The following DNAH12 variants were observed in gnomAD, a reference collection of about 807,000 sequenced individuals.
DNAH12 encodes axonemal beta dynein heavy chain 12.
DNAH12 carries 285 observed loss-of-function variants against 371.5 expected under a neutral mutation model. That is an observed-to-expected ratio of 0.77 (90% CI 0.70 to 0.85). The LOEUF (loss-of-function observed/expected upper bound fraction) is 0.85, where lower values mean the gene tolerates loss of function less well. Among genes scored for constraint, DNAH12 ranks in the 40% least tolerant of loss-of-function variants. The pLI, the probability that DNAH12 is intolerant of heterozygous loss-of-function variation, is 0.00. For synonymous variants in DNAH12, 1,200 were observed against 1,213.0 expected (o/e 0.99, Z 0.22); for missense variants, 3,611 against 3,689.4 (o/e 0.98, Z 0.55).
At chr3:57,431,230 T>C (rs541933225) in intron 32 of DNAH12, among the ~76,000 whole-genome samples, 30 of 152,284 alleles carry the variant, frequency 2.0e-4, no homozygotes, top group Middle Eastern at 3.4e-3. Flanking sequence ...GTTTTTTCCC[T>C]GCCACTCAAC....
intron 39 of DNAH12, among the ~76,000 whole-genome samples, chr3:57,412,613 T>C (rs1191531682): frequency 6.6e-6 from 1 of 152,108 alleles, no homozygotes. Context: ...AACAACCCAA[T>C]TTAAAAATGG....
Position 57,386,171 on chromosome 3 carries a change from T to C in DNAH12, c.7602+270A>G, listed in dbSNP as rs2063496682. 2.0e-5 allele frequency among the ~76,000 whole-genome samples: 3 copies of C among 152,210 alleles called. No homozygotes were observed. In the South Asian group the frequency reaches 6.2e-4, roughly 32 times the overall value. ...TTATATTCTCTTAAATGGTAAAAAATTAATTAAAAATAAAACATGATATAT... is the reference window on the plus strand; with the variant it reads ...TTATATTCTCTTAAATGGTAAAAAACTAATTAAAAATAAAACATGATATAT... On this transcript the variant is annotated intron_variant, in intron 47 of 73. Coordinates refer to ENST00000495027, the MANE Select transcript of DNAH12 (RefSeq NM_001366028.2).
At position 57,302,567 on chromosome 3, in the gene DNAH12, ATTTTTTTTTTT is replaced by A. The variant is rs71088056; in HGVS notation, c.11190-639_11190-629del. ...TATATATATATATATATATATATGT[ATTTTTTTTTTT>A]TTTTTTTTTTTTTTTGAGACAGAGT... On this transcript the variant is annotated intron_variant, in intron 69 of 73. Transcript: ENST00000495027. Among the ~76,000 whole-genome samples the A allele has an allele frequency of 2.5e-4, 7 of 27,480 alleles. No homozygotes were observed. The South Asian group carries it at 9.1e-3, about 36-fold the overall frequency. 18.0% of individuals were successfully genotyped at this position (27,480 alleles called of 152,430 possible). A position where few individuals can be genotyped will look rare whatever the true frequency, so the allele number is the denominator to read the frequency against.
At chr3:57,513,895 A>G (rs1210497327) in intron 4 of DNAH12, among the ~76,000 whole-genome samples, 1 of 152,216 alleles carries the variant, frequency 6.6e-6, no homozygotes, top group East Asian at 1.9e-4. Context: ...ATAAGACTAC[A>G]TATTGAAGTC....
chr3:57,499,643 A>ATATATATATATAT (rs1307559756), intron 11 of DNAH12, among the ~76,000 whole-genome samples: 9 of 24,596 alleles, frequency 3.7e-4, no homozygotes, highest in African/African-American at 1.4e-3. Flanking sequence ...AAAAAAAAAA[A>ATATATATATATAT]AAAAATATAT....
chr3:57,361,585 G>T (rs1367129748), intron 58 of DNAH12, among the ~76,000 whole-genome samples: 5 of 151,144 alleles, frequency 3.3e-5, no homozygotes, highest in African/African-American at 4.9e-5. Flanking sequence ...CCCGACGAAT[G>T]ACAAGATAAT....
intron 49 of DNAH12, among the ~76,000 whole-genome samples, chr3:57,384,270 C>G (rs2063456116): frequency 6.6e-6 from 1 of 152,112 alleles, no homozygotes; most frequent in South Asian, 2.1e-4. Flanking sequence ...TACAGAACCA[C>G]TTTGGCCTCT....
At chr3:57,449,464 C>T (rs183592469) in intron 25 of DNAH12, among the ~76,000 whole-genome samples, 3,930 of 152,292 alleles carry the variant, frequency 0.026, 69 homozygotes, top group Non-Finnish European at 0.034. Flanking sequence ...TCAGGCATGG[C>T]GGGCTGCAGG....
At chr3:57,306,610 C>T (rs893244550) in intron 69 of DNAH12, among the ~76,000 whole-genome samples, 12 of 152,086 alleles carry the variant, frequency 7.9e-5, no homozygotes, top group African/African-American at 1.9e-4. Context: ...CCTTAGCGAC[C>T]GATCATGCAC....
chr3:57,509,984 A>G (rs982280936), intron 5 of DNAH12, among the ~76,000 whole-genome samples: 47 of 152,000 alleles, frequency 3.1e-4, no homozygotes, highest in African/African-American at 1.1e-3. Context: ...ACCACACACA[A>G]AAAATGATAA....
chr3:57,398,435 T>C (rs2063789545), intron 43 of DNAH12, among the ~76,000 whole-genome samples: 6 of 152,138 alleles, frequency 3.9e-5, no homozygotes, highest in Non-Finnish European at 8.8e-5. Context: ...AAAATTCCAT[T>C]TTATGGAAGA....
chr3:57,361,442 C>CTAT (rs1363525166), intron 58 of DNAH12, among the ~76,000 whole-genome samples: 1 of 107,762 alleles, frequency 9.3e-6, no homozygotes, highest in African/African-American at 4.5e-5. Context: ...TACACACACA[C>CTAT]ACTATATATA....
At chr3:57,348,855 C>T (rs1188737954) in intron 60 of DNAH12, among the ~76,000 whole-genome samples, 2 of 152,172 alleles carry the variant, frequency 1.3e-5, no homozygotes, top group Non-Finnish European at 2.9e-5. Flanking sequence ...GGGTATCTTT[C>T]CACTTTGGAC....
chr3:57,309,794 TG>T lies in DNAH12; in HGVS notation c.10956del (p.Lys3653ArgfsTer34). On this transcript the variant is annotated frameshift_variant, in exon 68 of 74. Coordinates refer to ENST00000495027, the MANE Select transcript of DNAH12 (RefSeq NM_001366028.2). LOFTEE classifies it high-confidence loss of function. ...AGGGTTTTTGTTTGTTGAAGATCCT[TG>T]GAGATGTCAACGTTTTCATGTAATC... ...IFGLHENVDISKDLQQTKTLF... is the reference protein window; with the variant it reads ...IFGLHENVDIXKDLQQTKTLF... 6.4e-7 allele frequency: 1 copy of T among 1,551,490 alleles called. No homozygotes were observed. Among genetic ancestry groups the T allele is most frequent in the South Asian group, 1.2e-5 (1 of 84,024 alleles).
At chr3:57,403,208 T>C in intron 43 of DNAH12, 101 bp downstream of exon 43, 1 of 1,146,744 alleles carries the variant, frequency 8.7e-7, no homozygotes, top group South Asian at 1.7e-5. Context: ...ATCATCATCA[T>C]CACTGGAGTT....
intron 35 of DNAH12, among the ~76,000 whole-genome samples, chr3:57,422,487 C>T (rs980313359): frequency 6.6e-6 from 1 of 152,070 alleles, no homozygotes; most frequent in East Asian, 1.9e-4. Flanking sequence ...AGACACCGCG[C>T]CCGGCCTCTA....
intron 39 of DNAH12, among the ~76,000 whole-genome samples, chr3:57,413,139 T>C (rs55825084): frequency 6.6e-6 from 1 of 152,144 alleles, no homozygotes; most frequent in African/African-American, 2.4e-5. Flanking sequence ...CATGAGAAGA[T>C]ATGAATGAAA....
At position 57,459,743 on chromosome 3, in the gene DNAH12, T is replaced by G. The variant is rs756241101; in HGVS notation, c.2780A>C (p.Glu927Ala). The change falls in exon 20 of 74, where the codon GAA (glutamate) becomes GCA (alanine). Residue 927 changes from glutamate (E) to alanine (A), a missense_variant. Physicochemically the swap from Glu to Ala is moderately radical, Grantham distance 107. Around this residue, in one of 3 missense-constraint regions of DNAH12, gnomAD observed 1,314 missense variants for 1,398.7 expected, o/e 0.94. Transcript: ENST00000495027. ...CCATTGAGCTTGTACTTTTAACCATTCATCAATTGTTTCTTGTATTCGAAT... is the reference window on the plus strand; with the variant it reads ...CCATTGAGCTTGTACTTTTAACCATGCATCAATTGTTTCTTGTATTCGAAT... ...RLIRIQETID[E>A]WLKVQAQWLY... The G allele has an allele frequency of 6.9e-4, 1,055 of 1,530,110 alleles. 1 individual carries two copies. Among genetic ancestry groups the G allele is most frequent in the Non-Finnish European group, 8.7e-4 (989 of 1,132,388 alleles). The allele number at this position is 1,530,110 out of a possible 1,614,324, so 94.8% of individuals were successfully genotyped here. A position where few individuals can be genotyped will look rare whatever the true frequency, so the allele number is the denominator to read the frequency against.
At chr3:57,348,658 CA>C (rs34777204) in intron 60 of DNAH12, among the ~76,000 whole-genome samples, 1 of 151,516 alleles carries the variant, frequency 6.6e-6, no homozygotes, top group Admixed American at 6.6e-5. Context: ...AAAGCCTTTT[CA>C]AAAAAAGGAT....
Sources: gnomAD v4.1 joint callset for allele counts (sites outside exome capture counted in the v4.1 genomes callset) on GRCh38, gnomAD v4.1.1 for gene constraint, gnomAD v4.1.1 regional missense constraint, MANE v1.5 for transcripts, NCBI Gene and HGNC (gene_info 2026-07-23, HGNC 2026-07-21) for gene names.